DOCK3: variants seen among roughly 807,000 people sequenced by gnomAD.
DOCK3 encodes the protein dedicator of cytokinesis protein 3.
A neutral mutation model predicts 265.6 loss-of-function variants in DOCK3; 60 were observed. The ratio of observed to expected loss-of-function variants is 0.23; its 90% CI spans 0.18 to 0.28. The LOEUF (loss-of-function observed/expected upper bound fraction) is 0.28, where lower values mean the gene tolerates loss of function less well. Ranked by LOEUF, DOCK3 falls within the 10% of genes least tolerant of loss-of-function variation. The pLI is 1.00. For synonymous variants in DOCK3, 881 were observed against 938.0 expected (o/e 0.94, Z 1.11); for missense variants, 1,981 against 2,594.3 (o/e 0.76, Z 5.14).
intron 1 of DOCK3, among the ~76,000 whole-genome samples, chr3:50,678,766 C>G (rs1219270649): frequency 3.3e-5 from 5 of 151,940 alleles, no homozygotes; most frequent in Non-Finnish European, 7.4e-5. Flanking sequence ...AGCAGTCTCC[C>G]AAGTAGCTGG....
chr3:50,785,816 C>T (rs182257608), intron 2 of DOCK3, among the ~76,000 whole-genome samples: 72 of 152,182 alleles, frequency 4.7e-4, no homozygotes, highest in African/African-American at 1.7e-3. Flanking sequence ...TAAGGTGATA[C>T]TGGCTTTATA....
At chr3:50,812,584 G>A (rs1412767226) in intron 2 of DOCK3, among the ~76,000 whole-genome samples, 1 of 152,186 alleles carries the variant, frequency 6.6e-6, no homozygotes, top group Non-Finnish European at 1.5e-5. Flanking sequence ...AGCCCAAAGG[G>A]CAGAAGACCA....
At chr3:50,781,596 AT>A (rs924200830) in intron 2 of DOCK3, among the ~76,000 whole-genome samples, 4 of 151,740 alleles carry the variant, frequency 2.6e-5, no homozygotes, top group South Asian at 2.1e-4. Context: ...TATTTGTAGT[AT>A]TTTTTTTAAT....
chr3:51,199,090 A>G (rs2088520194), intron 12 of DOCK3, among the ~76,000 whole-genome samples: 1 of 152,182 alleles, frequency 6.6e-6, no homozygotes, highest in African/African-American at 2.4e-5. Context: ...CCTCCGGTCT[A>G]CAGCTCCCAG....
intron 32 of DOCK3, among the ~76,000 whole-genome samples, chr3:51,319,730 T>A (rs2083573798): frequency 6.6e-6 from 1 of 151,856 alleles, no homozygotes; most frequent in African/African-American, 2.4e-5. Context: ...CTGGGCGTGG[T>A]GGTGTGTGCC....
At chr3:51,089,730 G>A (rs975045084) in intron 8 of DOCK3, among the ~76,000 whole-genome samples, 1 of 151,598 alleles carries the variant, frequency 6.6e-6, no homozygotes, top group African/African-American at 2.4e-5. Flanking sequence ...TCAACATGGT[G>A]AAACCTACTA....
intron 12 of DOCK3, among the ~76,000 whole-genome samples, chr3:51,161,391 C>T (rs1178229506): frequency 2.0e-5 from 3 of 151,452 alleles, no homozygotes; most frequent in African/African-American, 7.3e-5. Flanking sequence ...TTGCAGTGAG[C>T]TGAGATCATG....
chr3:51,162,438 C>T (rs538039088), intron 12 of DOCK3, among the ~76,000 whole-genome samples: 1 of 152,288 alleles, frequency 6.6e-6, no homozygotes, highest in African/African-American at 2.4e-5. Context: ...CTGGTTTTCT[C>T]CTCCTTCCAT....
At position 51,346,866 on chromosome 3, in the gene DOCK3, G is replaced by A. The variant is rs545027499; in HGVS notation, c.3916-1986G>A. The stretch of plus-strand genomic sequence containing the variant: ...TGAGATGGTATCTCACTGTGGTTTT[G>A]ATTTGCATTTCTCTGATGGCCAGTG... On this transcript the variant is annotated intron_variant, in intron 38 of 52. Transcript: ENST00000266037. Among the ~76,000 whole-genome samples the A allele has an allele frequency of 2.0e-5, 3 of 152,270 alleles. No individual in the cohort carries two copies. The East Asian group carries it at 5.8e-4, about 29-fold the overall frequency.
At chr3:50,915,096 G>A (rs1258540061) in intron 4 of DOCK3, among the ~76,000 whole-genome samples, 1 of 152,114 alleles carries the variant, frequency 6.6e-6, no homozygotes, top group Admixed American at 6.5e-5. Flanking sequence ...TGGGCCCAGA[G>A]TGCCAGGTTT....
At chr3:50,863,339 C>G in intron 3 of DOCK3, 1 of 500,716 alleles carries the variant, frequency 2.0e-6, no homozygotes, top group South Asian at 1.5e-5. Flanking sequence ...ATGCAGATAG[C>G]CTGTGTGAGC....
rs141438888 is a variant in DOCK3 at position 51,324,533 on chromosome 3, G to A, written c.3403-5605G>A. On this transcript the variant is annotated intron_variant, in intron 32 of 52. Coordinates refer to ENST00000266037, the MANE Select transcript of DOCK3 (RefSeq NM_004947.5). ...TCTATGCTATCTCCATCAAGCTACCGTTGACTTTCTTCACAGAATTAGAAA... is the reference window on the plus strand; with the variant it reads ...TCTATGCTATCTCCATCAAGCTACCATTGACTTTCTTCACAGAATTAGAAA... Among the ~76,000 whole-genome samples, 710 of 152,146 alleles carry A rather than the reference G, an allele frequency of 4.7e-3. 9 individuals are homozygous for A. Among genetic ancestry groups the A allele is most frequent in the African/African-American group, 0.016 (670 of 41,536 alleles).
At chr3:51,064,406 A>G (rs1184959088) in intron 5 of DOCK3, 42 bp from the exon 6 acceptor site, 2 of 1,605,312 alleles carry the variant, frequency 1.2e-6, no homozygotes, top group Non-Finnish European at 1.7e-6. Context: ...TTCCTTTTCC[A>G]TGTCTCTTGT....
chr3:51,342,302 A>G (rs1030887631), intron 38 of DOCK3, among the ~76,000 whole-genome samples: 1 of 152,238 alleles, frequency 6.6e-6, no homozygotes, highest in African/African-American at 2.4e-5. Context: ...CAGAGAATGC[A>G]CTGGTAAGCA....
intron 27 of DOCK3, among the ~76,000 whole-genome samples, chr3:51,293,995 G>C (rs921505791): frequency 1.3e-5 from 2 of 152,186 alleles, no homozygotes; most frequent in South Asian, 4.2e-4. Flanking sequence ...TACACTGTTA[G>C]TGATATTGTA....
rs1384009563 is a variant in DOCK3 at position 50,788,873 on chromosome 3, G to A, written c.121+10115G>A. On this transcript the variant is annotated intron_variant, in intron 2 of 52. Transcript: ENST00000266037. ...GGCTGCGAGGGCGCGTGCCCGCCCC[G>A]TCCCCTTCCTTTGTTGGCCACCCCC... 2.0e-5 allele frequency among the ~76,000 whole-genome samples: 3 copies of A among 152,206 alleles called. No homozygotes were observed. In the East Asian group the frequency reaches 5.8e-4, roughly 29 times the overall value.
At chr3:51,008,468 A>T (rs895730948) in intron 5 of DOCK3, among the ~76,000 whole-genome samples, 1 of 152,178 alleles carries the variant, frequency 6.6e-6, no homozygotes, top group African/African-American at 2.4e-5. Flanking sequence ...TGATTTTTGC[A>T]CATCGATTTT....
chr3:51,190,868 T>C lies in DOCK3; in HGVS notation c.1038-17906T>C, dbSNP rs112314337. Among the ~76,000 whole-genome samples, 7 of 152,248 alleles carry C rather than the reference T, an allele frequency of 4.6e-5. 2 individuals carry two copies. Among genetic ancestry groups the C allele is most frequent in the African/African-American group, 1.7e-4 (7 of 41,576 alleles). On this transcript the variant is annotated intron_variant, in intron 12 of 52. Transcript: ENST00000266037. ...CTTGCAGGGCAAGCACTGGCCTCTA[T>C]GGAGATCACAGAGATCTCTGTGGAG...
chr3:51,328,533 TTC>T (rs2084301952), intron 32 of DOCK3, among the ~76,000 whole-genome samples: 1 of 151,880 alleles, frequency 6.6e-6, no homozygotes, highest in South Asian at 2.1e-4. Flanking sequence ...GTCTCAGACT[TTC>T]TGTTTCTTCT....
Sources: allele counts gnomAD v4.1 joint callset (sites outside exome capture counted in the v4.1 genomes callset), GRCh38; gene constraint gnomAD v4.1.1; transcripts MANE v1.5; gene names NCBI Gene and HGNC (gene_info 2026-07-23, HGNC 2026-07-21).